The following SCUBE1 variants were observed in gnomAD, a reference collection of about 807,000 sequenced individuals.
The protein encoded by SCUBE1 is signal peptide, CUB and EGF-like domain-containing protein 1.
A neutral mutation model predicts 124.4 loss-of-function variants in SCUBE1; 59 were observed. The ratio of observed to expected loss-of-function variants is 0.47; its 90% CI spans 0.38 to 0.59. The LOEUF (loss-of-function observed/expected upper bound fraction) is 0.59, where lower values mean the gene tolerates loss of function less well. Ranked by LOEUF, SCUBE1 falls within the 20% of genes least tolerant of loss-of-function variation. SCUBE1 has a pLI of 0.00. For synonymous variants in SCUBE1, 545 were observed against 550.9 expected, an observed-to-expected ratio of 0.99 and a Z score of 0.15; for missense variants, 1,150 against 1,371.2, an observed-to-expected ratio of 0.84 and a Z score of 2.55.
intron 21 of SCUBE1, among the ~76,000 whole-genome samples, chr22:43,205,687 ACCCC>A (rs1921208658): frequency 2.7e-5 from 1 of 37,120 alleles, no homozygotes; most frequent in African/African-American, 1.3e-4. Flanking sequence ...CCACTCACTC[ACCCC>A]CACACACACC....
At chr22:43,306,664 T>C (rs1925981039) in intron 3 of SCUBE1, among the ~76,000 whole-genome samples, 1 of 152,136 alleles carries the variant, frequency 6.6e-6, no homozygotes, top group Non-Finnish European at 1.5e-5. Context: ...AGGCCCACCA[T>C]GTGCCACCTT....
intron 6 of SCUBE1, among the ~76,000 whole-genome samples, chr22:43,246,798 A>C (rs1251977976): frequency 2.6e-5 from 4 of 152,112 alleles, no homozygotes; most frequent in Admixed American, 6.5e-5. Context: ...GGCAGTGCCC[A>C]CCTCTGCTTT....
intron 7 of SCUBE1, among the ~76,000 whole-genome samples, chr22:43,236,719 C>T (rs893949774): frequency 2.0e-5 from 3 of 152,176 alleles, no homozygotes; most frequent in African/African-American, 7.2e-5. Context: ...CTCAGCCCTC[C>T]CCGGCCTCCC....
At chr22:43,222,984 C>T (rs997454687) in intron 11 of SCUBE1, 113 bp downstream of exon 11, 2 of 1,386,698 alleles carry the variant, frequency 1.4e-6, no homozygotes, top group African/African-American at 2.9e-5. Context: ...TTATCAGAGA[C>T]CCTCATTCCT....
In SCUBE1 at chr22:43,281,456, C is replaced by CCT. The variant is rs1451729836; in HGVS notation, c.484+9589_484+9590insAG. ...TCCCTTGGCCACCCTCCTGTCATCT[C>CCT]CCTCAGCCACCCTCCTGTCACCTCC... On this transcript the variant is annotated intron_variant, in intron 4 of 21. Coordinates refer to ENST00000360835, the MANE Select transcript of SCUBE1 (RefSeq NM_173050.5). Among the ~76,000 whole-genome samples, 594 of 57,194 alleles carry CCT rather than the reference C, an allele frequency of 0.01. 31 individuals are homozygous for CCT. The East Asian group carries it at 0.23, about 22-fold the overall frequency. The allele number at this position is 57,194 out of a possible 152,430, so 37.5% of individuals were successfully genotyped here. A position where few individuals can be genotyped will look rare whatever the true frequency, so the allele number is the denominator to read the frequency against.
intron 4 of SCUBE1, chr22:43,283,833 C>T (rs1448710713): frequency 6.6e-6 from 1 of 152,242 alleles, no homozygotes; most frequent in African/African-American, 2.4e-5. Context: ...CTAAAAAATC[C>T]TATTGTTTTG....
At position 43,258,401 on chromosome 22, in the gene SCUBE1, T is replaced by C; in HGVS notation, c.611-66A>G. 8.3e-7 allele frequency: 1 copy of C among 1,201,110 alleles called. No homozygotes were observed. The highest frequency in any genetic ancestry group is 1.2e-5 in the South Asian group (1 of 82,502). The allele number at this position is 1,201,110 out of a possible 1,614,324, so 74.4% of individuals were successfully genotyped here. ...ACAACAAAAACGGTTAGTTTGCCGG[T>C]GTTGGCGGCTGCCTTCAGGGTATGG... On this transcript the variant is annotated intron_variant, in intron 5 of 21. Coordinates refer to ENST00000360835, the MANE Select transcript of SCUBE1 (RefSeq NM_173050.5). The surrounding 1 kb of genome is among the most constrained non-coding windows in gnomAD (Gnocchi z 5.0).
intron 1 of SCUBE1, among the ~76,000 whole-genome samples, chr22:43,342,843 C>A (rs1927371459): frequency 6.6e-6 from 1 of 151,634 alleles, no homozygotes; most frequent in Non-Finnish European, 1.5e-5. Context: ...GAGCGCCCCT[C>A]TGCGCTCGGG....
At chr22:43,230,469 G>T (rs967016814) in intron 8 of SCUBE1, among the ~76,000 whole-genome samples, 1 of 152,096 alleles carries the variant, frequency 6.6e-6, no homozygotes, top group Non-Finnish European at 1.5e-5. Context: ...GGTGGGGCGG[G>T]TGAGGACAGG....
intron 6 of SCUBE1, among the ~76,000 whole-genome samples, chr22:43,249,127 A>G (rs11705577): frequency 0.22 from 33,729 of 151,938 alleles, 3,864 homozygotes; most frequent in Non-Finnish European, 0.24. Context: ...AGAGAAGAGG[A>G]TGTGACCCCT....
At chr22:43,279,034 G>C (rs1250839969) in intron 4 of SCUBE1, among the ~76,000 whole-genome samples, 1 of 152,166 alleles carries the variant, frequency 6.6e-6, no homozygotes, top group Non-Finnish European at 1.5e-5. Flanking sequence ...GGAAGACAGA[G>C]TCAAGAGGAA....
intron 2 of SCUBE1, among the ~76,000 whole-genome samples, chr22:43,338,080 T>G (rs1927143316): frequency 6.6e-6 from 1 of 152,196 alleles, no homozygotes; most frequent in Non-Finnish European, 1.5e-5. Flanking sequence ...CAGGGGTGTC[T>G]GTCTGTCTCG....
chr22:43,222,734 T>G lies in SCUBE1; in HGVS notation c.1336A>C (p.Asn446His), dbSNP rs199631500. The change falls in exon 12 of 22, where the codon AAT becomes CAT. Residue 446 changes from asparagine to histidine, a missense_variant. Asn to His is a moderately conservative substitution (Grantham distance 68). Coordinates refer to ENST00000360835, the MANE Select transcript of SCUBE1 (RefSeq NM_173050.5). ...ACTCCGCAGCTCAGGACGTAGCTAT[T>G]TTCCGAGTCTGCAGAGAAGCCGGTG... ...AHTLFVPDSE[N>H]SYVLSCGVPG... 2 of 1,600,730 alleles carry G rather than the reference T, an allele frequency of 1.2e-6. No homozygotes were observed. Among genetic ancestry groups the G allele is most frequent in the Non-Finnish European group, 1.7e-6 (2 of 1,173,224 alleles).
intron 2 of SCUBE1, among the ~76,000 whole-genome samples, chr22:43,327,025 T>C (rs8142009): frequency 0.053 from 8,107 of 152,234 alleles, 714 homozygotes; most frequent in African/African-American, 0.18. Flanking sequence ...AACTGTGTCC[T>C]GTGCAGCTTG....
chr22:43,225,189 A>ACC (rs146668305), intron 10 of SCUBE1, among the ~76,000 whole-genome samples: 22 of 149,148 alleles, frequency 1.5e-4, no homozygotes, highest in African/African-American at 4.5e-4. Flanking sequence ...TTATCGCATC[A>ACC]CCCCCCCACT....
chr22:43,209,954 A>G, intron 19 of SCUBE1, 89 bp downstream of exon 19: 1 of 1,387,602 alleles, frequency 7.2e-7, no homozygotes, highest in Non-Finnish European at 9.8e-7. Context: ...TGCCCTGTGA[A>G]GGCAGCGATC....
rs1050166958 is a variant in SCUBE1, at chr22:43,201,051, C to G, written c.*2946G>C. The G allele has an allele frequency of 1.3e-5, 2 of 152,082 alleles. No individual in the cohort carries two copies. Among genetic ancestry groups the G allele is most frequent in the Admixed American group, 1.3e-4 (2 of 15,272 alleles). 9.4% of individuals were successfully genotyped at this position (152,082 alleles called of 1,614,324 possible). On this transcript the variant is annotated 3_prime_UTR_variant, in exon 22 of 22. Coordinates refer to ENST00000360835, the MANE Select transcript of SCUBE1 (RefSeq NM_173050.5). ...GGGCGTGGTGGCTCACGCCTGTAAT[C>G]CCAGCACTTTGGGAGGCCGAGGTGG...
chr22:43,228,644 C>A (rs937543050), intron 9 of SCUBE1, among the ~76,000 whole-genome samples: 1 of 152,220 alleles, frequency 6.6e-6, no homozygotes, highest in Admixed American at 6.5e-5. Flanking sequence ...GCGGATCCCT[C>A]TGGAGTGCCT....
At chr22:43,340,944 G>A (rs1312675185) in intron 1 of SCUBE1, among the ~76,000 whole-genome samples, 1 of 152,106 alleles carries the variant, frequency 6.6e-6, no homozygotes, top group African/African-American at 2.4e-5. Flanking sequence ...ATAATATCTG[G>A]GTTCGAAATC....
Sources: gnomAD v4.1 joint callset for allele counts (sites outside exome capture counted in the v4.1 genomes callset) on GRCh38, gnomAD v4.1.1 for gene constraint, Gnocchi (gnomAD v3.1) non-coding constraint, MANE v1.5 for transcripts, NCBI Gene and HGNC (gene_info 2026-07-23, HGNC 2026-07-21) for gene names.